The following ARID2 variants were observed in gnomAD, a reference collection of about 807,000 sequenced individuals.
The protein encoded by ARID2 is AT-rich interaction domain 2, also known as AT-rich interactive domain-containing protein 2.
Under a neutral mutation model 184.6 loss-of-function variants are expected in ARID2, and 32 were observed. That is an observed-to-expected ratio of 0.17 (90% CI 0.13 to 0.23). The LOEUF (loss-of-function observed/expected upper bound fraction) is 0.23, where lower values mean the gene tolerates loss of function less well. Ranked by LOEUF, ARID2 falls within the 10% of genes least tolerant of loss-of-function variation. ARID2 has a pLI of 1.00. For synonymous variants in ARID2, 836 were observed against 772.6 expected (o/e 1.08, Z -1.36); for missense variants, 1,696 against 2,197.6 (o/e 0.77, Z 4.56).
intron 3 of ARID2, among the ~76,000 whole-genome samples, chr12:45,744,280 T>C (rs1941317736): frequency 6.6e-6 from 1 of 152,168 alleles, no homozygotes; most frequent in Admixed American, 6.6e-5. Context: ...AGTAATCCTG[T>C]GATATATGAA....
In ARID2 at chr12:45,891,764, C is replaced by T. The variant is rs2138231696; in HGVS notation, c.4923-16C>T. Reference sequence around the variant, plus strand: ...CTTGAATACATCCAAGTGTCTACTACTTTTATTTTTTATAGGTGGTTTCAG... The same window carrying T: ...CTTGAATACATCCAAGTGTCTACTATTTTTATTTTTTATAGGTGGTTTCAG... On this transcript the variant is annotated splice_polypyrimidine_tract_variant and intron_variant, in intron 16 of 20. Coordinates refer to ENST00000334344, the MANE Select transcript of ARID2 (RefSeq NM_152641.4). The T allele has an allele frequency of 1.9e-6, 3 of 1,608,970 alleles. No individual in the cohort carries two copies. The highest frequency in any genetic ancestry group is 1.7e-4 in the Middle Eastern group (1 of 6,030).
chr12:45,785,937 T>C (rs1211995978), intron 3 of ARID2, among the ~76,000 whole-genome samples: 1 of 152,190 alleles, frequency 6.6e-6, no homozygotes, highest in Non-Finnish European at 1.5e-5. Context: ...TAGTGGTCTG[T>C]GGGAAAATTG....
chr12:45,740,854 AT>A (rs1308276803), intron 3 of ARID2, among the ~76,000 whole-genome samples: 9 of 151,974 alleles, frequency 5.9e-5, no homozygotes, highest in Admixed American at 3.9e-4. Flanking sequence ...GTTGTCTAAT[AT>A]TTTTTCAGGA....
At chr12:45,751,861 TTGTA>T (rs1327013926) in intron 3 of ARID2, among the ~76,000 whole-genome samples, 1 of 152,194 alleles carries the variant, frequency 6.6e-6, no homozygotes, top group Non-Finnish European at 1.5e-5. Flanking sequence ...GGGAGCACCA[TTGTA>T]TATATGGTCA....
rs2138161479 is a variant in ARID2, at chr12:45,850,387, C to G, written c.2264C>G (p.Thr755Arg). 7 of 1,614,098 alleles carry G rather than the reference C, an allele frequency of 4.3e-6. No individual in the cohort carries two copies. The highest frequency in any genetic ancestry group is 5.9e-6 in the Non-Finnish European group (7 of 1,179,984). The change falls in exon 15 of 21, where the codon ACA becomes AGA. Residue 755 changes from threonine to arginine, a missense_variant. Physicochemically the swap from Thr to Arg is moderately conservative, Grantham distance 71. Around this residue, in one of 11 missense-constraint regions of ARID2, gnomAD observed 713 missense variants for 824.4 expected, o/e 0.86. Transcript: ENST00000334344. ...CATAGTACAGGGCCACAACCTGTTA[C>G]AGTTGTGAATTCTCAGACATTGCTT... Reference protein sequence around the residue: ...QNHSTGPQPVTVVNSQTLLHH... With the variant: ...QNHSTGPQPVRVVNSQTLLHH...
intron 3 of ARID2, among the ~76,000 whole-genome samples, chr12:45,808,557 G>A (rs891067558): frequency 1.3e-5 from 2 of 152,024 alleles, no homozygotes; most frequent in South Asian, 2.1e-4. Context: ...TGAATTATAT[G>A]GGGTTTTATA....
intron 3 of ARID2, among the ~76,000 whole-genome samples, chr12:45,754,737 T>A (rs1017317899): frequency 5.9e-5 from 9 of 152,236 alleles, no homozygotes; most frequent in Admixed American, 5.9e-4. Flanking sequence ...TGTCTGTTTC[T>A]TCTGTGAACT....
intron 3 of ARID2, among the ~76,000 whole-genome samples, chr12:45,803,552 A>C (rs1942547115): frequency 6.6e-6 from 1 of 152,210 alleles, no homozygotes; most frequent in Non-Finnish European, 1.5e-5. Context: ...AACAAAAAGT[A>C]CAGCATTAAC....
At chr12:45,740,080 A>G (rs1036343135) in intron 3 of ARID2, among the ~76,000 whole-genome samples, 10 of 152,342 alleles carry the variant, frequency 6.6e-5, no homozygotes, top group African/African-American at 2.4e-4. Context: ...TAGGTAGTCT[A>G]TCAAGAGTTC....
intron 18 of ARID2, among the ~76,000 whole-genome samples, chr12:45,892,479 C>CATATAT (rs150289482): frequency 1.3e-5 from 2 of 150,310 alleles, no homozygotes; most frequent in Admixed American, 6.6e-5. Context: ...TTGTCATTAT[C>CATATAT]ATATATATAT....
intron 20 of ARID2, chr12:45,904,211 G>C: frequency 1.8e-6 from 1 of 562,430 alleles, no homozygotes; most frequent in South Asian, 2.3e-5. Flanking sequence ...GATGTGGCTT[G>C]GTTTCACTTA....
intron 16 of ARID2, among the ~76,000 whole-genome samples, chr12:45,872,652 A>G (rs1159811936): frequency 6.6e-6 from 1 of 152,242 alleles, no homozygotes; most frequent in African/African-American, 2.4e-5. Flanking sequence ...CTCACTCACT[A>G]TCAGGAGAAC....
intron 20 of ARID2, among the ~76,000 whole-genome samples, chr12:45,898,020 A>G (rs1039443446): frequency 6.6e-6 from 1 of 151,774 alleles, no homozygotes; most frequent in Admixed American, 6.6e-5. Flanking sequence ...GTTGTCTTGA[A>G]CTTCTGGGCT....
chr12:45,829,664 T>G (rs1943071731), intron 6 of ARID2, among the ~76,000 whole-genome samples: 1 of 151,824 alleles, frequency 6.6e-6, no homozygotes, highest in Admixed American at 6.6e-5. Flanking sequence ...TGTTGTTTTT[T>G]GCGTTTTCTT....
chr12:45,789,648 C>G (rs913041936), intron 3 of ARID2: 1 of 152,096 alleles, frequency 6.6e-6, no homozygotes, highest in African/African-American at 2.4e-5. Context: ...GTATTAATCT[C>G]CCACTACAAT....
At chr12:45,864,079 A>T (rs1943795957) in intron 16 of ARID2, among the ~76,000 whole-genome samples, 1 of 149,882 alleles carries the variant, frequency 6.7e-6, no homozygotes, top group African/African-American at 2.5e-5. Flanking sequence ...CTGTTCTCGA[A>T]CTCCTGAACT....
At chr12:45,775,916 T>C (rs1941968727) in intron 3 of ARID2, among the ~76,000 whole-genome samples, 2 of 152,258 alleles carry the variant, frequency 1.3e-5, no homozygotes, top group South Asian at 2.1e-4. Context: ...TTAACCTACG[T>C]TGTTGTAATA....
At position 45,905,199 on chromosome 12, in the gene ARID2, C is replaced by CAG; in HGVS notation, c.*121_*122insAG. The CAG allele has an allele frequency of 9.1e-6, 9 of 984,340 alleles. No individual in the cohort carries two copies. Among genetic ancestry groups the CAG allele is most frequent in the South Asian group, 4.4e-5 (2 of 45,260 alleles). 61.0% of individuals were successfully genotyped at this position (984,340 alleles called of 1,614,324 possible). A position where few individuals can be genotyped will look rare whatever the true frequency, so the allele number is the denominator to read the frequency against. ...ATAGAATGAATTATTTTATCTCCTC[C>CAG]CATGATGCTGAGAGGAAGCTTCGTA... On this transcript the variant is annotated 3_prime_UTR_variant, in exon 21 of 21. Transcript: ENST00000334344.
chr12:45,738,937 C>G (rs1941187089), intron 3 of ARID2, among the ~76,000 whole-genome samples: 1 of 151,724 alleles, frequency 6.6e-6, no homozygotes, highest in Non-Finnish European at 1.5e-5. Context: ...CCCTTCCCTG[C>G]TGATAGACCT....
Sources: gnomAD v4.1 joint callset for allele counts (sites outside exome capture counted in the v4.1 genomes callset) on GRCh38, gnomAD v4.1.1 for gene constraint, gnomAD v4.1.1 regional missense constraint, MANE v1.5 for transcripts, NCBI Gene and HGNC (gene_info 2026-07-23, HGNC 2026-07-21) for gene names.